DTD1: variants seen among roughly 807,000 people sequenced by gnomAD.
The protein encoded by DTD1 is D-tyrosyl-tRNA deacylase 1 homolog.
DTD1 carries 13 observed loss-of-function variants against 25.6 expected under a neutral mutation model. The observed-to-expected ratio is 0.51, with a 90% CI of 0.33 to 0.81. DTD1 has a LOEUF of 0.81. Ranked by LOEUF, DTD1 falls within the 30% of genes least tolerant of loss-of-function variation. DTD1 has a pLI of 0.02. For synonymous variants in DTD1, 110 were observed against 103.6 expected (o/e 1.06, Z -0.37); for missense variants, 193 against 266.4 (o/e 0.72, Z 1.92).
chr20:18,646,615 C>T (rs569004110), intron 4 of DTD1, among the ~76,000 whole-genome samples: 5 of 152,242 alleles, frequency 3.3e-5, no homozygotes, highest in Admixed American at 6.5e-5. Flanking sequence ...TTGGTGTTTT[C>T]GTGTGTCAGG....
chr20:18,734,972 C>T (rs183268001), intron 4 of DTD1, among the ~76,000 whole-genome samples: 97 of 152,308 alleles, frequency 6.4e-4, no homozygotes, highest in Middle Eastern at 3.4e-3. Flanking sequence ...CCAGCCGTTC[C>T]CCCTGACATC....
chr20:18,697,420 G>T (rs1407540775), intron 4 of DTD1, among the ~76,000 whole-genome samples: 1 of 152,102 alleles, frequency 6.6e-6, no homozygotes, highest in African/African-American at 2.4e-5. Flanking sequence ...TTCAGTGAGG[G>T]TGACTAAATT....
intron 4 of DTD1, among the ~76,000 whole-genome samples, chr20:18,694,094 C>T (rs538635432): frequency 2.6e-4 from 40 of 152,224 alleles, no homozygotes; most frequent in African/African-American, 9.1e-4. Context: ...GTTTAGTCTG[C>T]AGATGTTGCT....
chr20:18,744,437 C>T lies in DTD1; in HGVS notation c.*19+166C>T, dbSNP rs188756818. On this transcript the variant is annotated intron_variant, in intron 5 of 5. Transcript: ENST00000377452. ...GGAGACAAAAGTTAGTGTGTTAGTCCGTTTTCACGCTGCTGATAAAGACAT... is the reference window on the plus strand; with the variant it reads ...GGAGACAAAAGTTAGTGTGTTAGTCTGTTTTCACGCTGCTGATAAAGACAT... Among the ~76,000 whole-genome samples, 11 of 152,178 alleles carry T rather than the reference C, an allele frequency of 7.2e-5. No homozygotes were observed. In the East Asian group the frequency reaches 7.7e-4, roughly 11 times the overall value.
Position 18,588,058 on chromosome 20 carries a change from GC to G in DTD1, c.-11del. The G allele has an allele frequency of 7.1e-7, 1 of 1,400,824 alleles. No homozygotes were observed. Among genetic ancestry groups the G allele is most frequent in the South Asian group, 1.5e-5 (1 of 66,402 alleles). The allele number at this position is 1,400,824 out of a possible 1,614,324, so 86.8% of individuals were successfully genotyped here. On this transcript the variant is annotated 5_prime_UTR_variant, in exon 1 of 6. Coordinates refer to ENST00000377452, the MANE Select transcript of DTD1 (RefSeq NM_080820.6). ...GACGCAGCGCGGCGCCGCCCCACTC[GC>G]CCCAGCCGCCGCCATGAAGGCCGTG...
chr20:18,672,001 A>C (rs2060952694), intron 4 of DTD1, among the ~76,000 whole-genome samples: 1 of 152,204 alleles, frequency 6.6e-6, no homozygotes, highest in Non-Finnish European at 1.5e-5. Context: ...TGGGAGGCCG[A>C]GGTGGGAGGA....
intron 4 of DTD1, among the ~76,000 whole-genome samples, chr20:18,695,496 T>TTTCCTTTCCC (rs2061070462): frequency 8.0e-5 from 4 of 50,044 alleles, no homozygotes; most frequent in Admixed American, 2.2e-4. Context: ...CTTCCTTTCC[T>TTTCCTTTCCC]TTCCCTTCCC....
At chr20:18,655,587 G>A (rs975625943) in intron 4 of DTD1, among the ~76,000 whole-genome samples, 7 of 152,074 alleles carry the variant, frequency 4.6e-5, no homozygotes, top group South Asian at 2.1e-4. Context: ...GTGCATGGGC[G>A]TCCCTGTGAA....
At chr20:18,736,825 G>A (rs1403289736) in intron 4 of DTD1, among the ~76,000 whole-genome samples, 3 of 152,224 alleles carry the variant, frequency 2.0e-5, no homozygotes, top group African/African-American at 7.2e-5. Context: ...AAAAGCTTGA[G>A]CCTCTGTGCC....
intron 5 of DTD1, 25 bp downstream of exon 5, chr20:18,744,296 ATCT>A: frequency 1.2e-6 from 2 of 1,603,912 alleles, no homozygotes; most frequent in Non-Finnish European, 1.7e-6. Context: ...GCTTGGCTTC[ATCT>A]TCCCACATTT....
At chr20:18,690,661 A>G (rs1329366460) in intron 4 of DTD1, among the ~76,000 whole-genome samples, 2 of 152,094 alleles carry the variant, frequency 1.3e-5, no homozygotes, top group Non-Finnish European at 2.9e-5. Flanking sequence ...GTAGGTGTGC[A>G]GCCTTATTTG....
intron 4 of DTD1, among the ~76,000 whole-genome samples, chr20:18,701,662 C>A (rs774677481): frequency 6.6e-6 from 1 of 152,138 alleles, no homozygotes; most frequent in African/African-American, 2.4e-5. Flanking sequence ...GATGGGACCA[C>A]GTGGGACATA....
chr20:18,608,925 TATC>T (rs2060674439), intron 3 of DTD1, among the ~76,000 whole-genome samples: 1 of 152,208 alleles, frequency 6.6e-6, no homozygotes, highest in Non-Finnish European at 1.5e-5. Context: ...TTGCACTAAA[TATC>T]ATCATATTTT....
At chr20:18,592,857 A>G (rs1478562576) in intron 1 of DTD1, among the ~76,000 whole-genome samples, 3 of 151,174 alleles carry the variant, frequency 2.0e-5, no homozygotes, top group Non-Finnish European at 1.5e-5. Context: ...TAATTTTTGT[A>G]TTTTTATTAG....
intron 5 of DTD1, among the ~76,000 whole-genome samples, chr20:18,757,553 T>C (rs182827373): frequency 5.0e-4 from 76 of 152,368 alleles, no homozygotes; most frequent in African/African-American, 1.8e-3. Context: ...TCGTTGGTTC[T>C]GTTTATATGC....
chr20:18,723,220 CA>C (rs2122494980), intron 4 of DTD1, among the ~76,000 whole-genome samples: 1 of 152,280 alleles, frequency 6.6e-6, no homozygotes, highest in African/African-American at 2.4e-5. Context: ...CTGTGGCAAC[CA>C]AAAATATCTC....
intron 3 of DTD1, among the ~76,000 whole-genome samples, chr20:18,614,901 G>A (rs536214161): frequency 1.7e-4 from 25 of 151,052 alleles, no homozygotes; most frequent in African/African-American, 5.6e-4. Context: ...TAAAACGGCC[G>A]CAGTGTACCC....
At chr20:18,624,973 A>C (rs551104749) in intron 3 of DTD1, among the ~76,000 whole-genome samples, 1 of 152,328 alleles carries the variant, frequency 6.6e-6, no homozygotes, top group African/African-American at 2.4e-5. Context: ...TGTTAGTGAA[A>C]GGTGCCCTCA....
At chr20:18,752,255 A>G (rs981567629) in intron 5 of DTD1, among the ~76,000 whole-genome samples, 6 of 152,176 alleles carry the variant, frequency 3.9e-5, no homozygotes, top group African/African-American at 1.2e-4. Context: ...TAATACTTCA[A>G]TACCCCTAGC....
Sources: gnomAD v4.1 joint callset for allele counts (sites outside exome capture counted in the v4.1 genomes callset) on GRCh38, gnomAD v4.1.1 for gene constraint, MANE v1.5 for transcripts, NCBI Gene and HGNC (gene_info 2026-07-23, HGNC 2026-07-21) for gene names.